EXT1: variants seen among roughly 807,000 people sequenced by gnomAD.
The protein encoded by EXT1 is exostosin glycosyltransferase 1.
A neutral mutation model predicts 82.5 loss-of-function variants in EXT1; 20 were observed. The observed-to-expected ratio is 0.24, with a 90% CI of 0.17 to 0.35. The LOEUF is 0.35. Among genes scored for constraint, EXT1 ranks in the 10% least tolerant of loss-of-function variants. The probability of loss-of-function intolerance (pLI) is 1.00; values close to 1 mark genes in which losing one functional copy is unlikely to be tolerated. For missense variants in EXT1, 757 were observed against 936.5 expected, an observed-to-expected ratio of 0.81 and a Z score of 2.50; for synonymous variants, 348 against 350.8, an observed-to-expected ratio of 0.99 and a Z score of 0.09.
intron 1 of EXT1, among the ~76,000 whole-genome samples, chr8:117,865,347 T>A (rs1812760074): frequency 6.6e-6 from 1 of 152,160 alleles, no homozygotes; most frequent in Admixed American, 6.6e-5. Context: ...TTTTAAAGGT[T>A]TTTTGAAGAG....
chr8:118,058,296 G>C (rs149937401), intron 1 of EXT1, among the ~76,000 whole-genome samples: 2 of 152,296 alleles, frequency 1.3e-5, no homozygotes, highest in African/African-American at 4.8e-5. Flanking sequence ...CTACCAGCAA[G>C]AAGTAGAAGT....
intron 1 of EXT1, among the ~76,000 whole-genome samples, chr8:117,920,551 C>T (rs750656628): frequency 6.6e-6 from 1 of 152,178 alleles, no homozygotes; most frequent in African/African-American, 2.4e-5. Context: ...AAAGCAAACA[C>T]CACAGAAAAT....
At chr8:118,099,433 G>C (rs1817677189) in intron 1 of EXT1, among the ~76,000 whole-genome samples, 1 of 152,200 alleles carries the variant, frequency 6.6e-6, no homozygotes, top group Admixed American at 6.5e-5. Context: ...TAACAGGTTA[G>C]AATTGTCTAA....
intron 1 of EXT1, among the ~76,000 whole-genome samples, chr8:117,952,349 C>T (rs760592704): frequency 6.6e-6 from 1 of 152,130 alleles, no homozygotes; most frequent in Non-Finnish European, 1.5e-5. Flanking sequence ...AAAAACTATT[C>T]GGCAAACATT....
chr8:117,901,000 A>T (rs1215569904), intron 1 of EXT1, among the ~76,000 whole-genome samples: 1 of 152,226 alleles, frequency 6.6e-6, no homozygotes, highest in African/African-American at 2.4e-5. Context: ...GTCTTACATG[A>T]AGCAGAGAGG....
At chr8:118,109,979 G>A (rs1222085469) in intron 1 of EXT1, 106 bp downstream of exon 1, 2 of 1,563,312 alleles carry the variant, frequency 1.3e-6, no homozygotes, top group Non-Finnish European at 1.8e-6. Flanking sequence ...GGGGAAAGAG[G>A]ACTGAGGGCT....
chr8:117,986,023 G>T (rs1337438809), intron 1 of EXT1, among the ~76,000 whole-genome samples: 2 of 152,040 alleles, frequency 1.3e-5, no homozygotes, highest in Admixed American at 1.3e-4. Context: ...GTGTATTCTT[G>T]ACTTTTTTTT....
chr8:117,894,832 C>T (rs180872567), intron 1 of EXT1, among the ~76,000 whole-genome samples: 41 of 152,298 alleles, frequency 2.7e-4, no homozygotes, highest in Admixed American at 3.9e-4. Context: ...ATAAGGCCGC[C>T]TCCCTTCTCG....
chr8:117,894,416 C>A (rs1238418096), intron 1 of EXT1, among the ~76,000 whole-genome samples: 1 of 152,112 alleles, frequency 6.6e-6, no homozygotes, highest in East Asian at 1.9e-4. Context: ...GTTTGGGCAG[C>A]AAGGGAGTTG....
chr8:118,076,162 A>G lies in EXT1; in HGVS notation c.962+33923T>C, dbSNP rs529314457. Among the ~76,000 whole-genome samples, 27 of 152,340 alleles carry G rather than the reference A, an allele frequency of 1.8e-4. 1 individual carries two copies. The South Asian group carries it at 5.6e-3, about 32-fold the overall frequency. On this transcript the variant is annotated intron_variant, in intron 1 of 10. Transcript: ENST00000378204. Reference sequence around the variant, plus strand: ...TTGTAAGTTGCTTTATAAGAGTTATATGATCTCAAAGGCCACAAAACACAA... The same window carrying G: ...TTGTAAGTTGCTTTATAAGAGTTATGTGATCTCAAAGGCCACAAAACACAA...
intron 1 of EXT1, among the ~76,000 whole-genome samples, chr8:117,980,802 G>A (rs11786711): frequency 1.3e-5 from 2 of 149,660 alleles, no homozygotes. Context: ...CTGGAGGGCA[G>A]AGGCTGCTGT....
At chr8:118,035,986 C>T (rs768820506) in intron 1 of EXT1, among the ~76,000 whole-genome samples, 3 of 151,950 alleles carry the variant, frequency 2.0e-5, no homozygotes, top group Non-Finnish European at 4.4e-5. Context: ...GCCCTTAGCT[C>T]ATTAAGCTTC....
chr8:117,895,471 A>T (rs1813318715), intron 1 of EXT1, among the ~76,000 whole-genome samples: 1 of 152,212 alleles, frequency 6.6e-6, no homozygotes, highest in Non-Finnish European at 1.5e-5. Context: ...GAGTCCACTC[A>T]CAGCCAGAAC....
At chr8:117,897,034 C>T (rs1221191377) in intron 1 of EXT1, among the ~76,000 whole-genome samples, 2 of 152,152 alleles carry the variant, frequency 1.3e-5, no homozygotes, top group African/African-American at 4.8e-5. Flanking sequence ...GCTATTCTGT[C>T]CATGGAATTT....
At chr8:117,832,724 T>C (rs947540697) in intron 3 of EXT1, among the ~76,000 whole-genome samples, 1 of 152,188 alleles carries the variant, frequency 6.6e-6, no homozygotes, top group Non-Finnish European at 1.5e-5. Context: ...GCTTGTGATA[T>C]GATACAAGTG....
At chr8:117,824,981 C>T (rs1265231271) in intron 4 of EXT1, among the ~76,000 whole-genome samples, 1 of 152,130 alleles carries the variant, frequency 6.6e-6, no homozygotes, top group Non-Finnish European at 1.5e-5. Context: ...ATACTCCCGC[C>T]TCAGCCTCCT....
chr8:117,946,133 A>T (rs949838535), intron 1 of EXT1, among the ~76,000 whole-genome samples: 3 of 152,172 alleles, frequency 2.0e-5, no homozygotes, highest in African/African-American at 7.2e-5. Flanking sequence ...TTCTGACCTC[A>T]GGTAATCTGC....
chr8:117,956,826 T>C (rs1434777324), intron 1 of EXT1, among the ~76,000 whole-genome samples: 1 of 152,026 alleles, frequency 6.6e-6, no homozygotes, highest in African/African-American at 2.4e-5. Context: ...ATATTCCTGA[T>C]GGGGGAAGAG....
rs10453076 is a variant in EXT1 at position 118,097,553 on chromosome 8, T to G, written c.962+12532A>C. Among the ~76,000 whole-genome samples the G allele has an allele frequency of 2.0e-5, 3 of 152,222 alleles. No homozygotes were observed. In the East Asian group the frequency reaches 5.8e-4, roughly 29 times the overall value. ...TCAGAAGCTCCCCAGGAGAGTCTAC[T>G]GTACAGTTAAGGTTGAGACCCACTG... On this transcript the variant is annotated intron_variant, in intron 1 of 10. Coordinates refer to ENST00000378204, the MANE Select transcript of EXT1 (RefSeq NM_000127.3).
Sources: gnomAD v4.1 joint callset for allele counts (sites outside exome capture counted in the v4.1 genomes callset) on GRCh38, gnomAD v4.1.1 for gene constraint, MANE v1.5 for transcripts, NCBI Gene and HGNC (gene_info 2026-07-23, HGNC 2026-07-21) for gene names.